FBXL15: variants seen among roughly 807,000 people sequenced by gnomAD.
FBXL15 encodes F-box/LRR-repeat protein 15.
Under a neutral mutation model 23.6 loss-of-function variants are expected in FBXL15, and 19 were observed. The ratio of observed to expected loss-of-function variants is 0.81; its 90% CI spans 0.56 to 1.18. The LOEUF (loss-of-function observed/expected upper bound fraction) is 1.18. FBXL15 is among the 50% of genes most tolerant of loss of function. The pLI is 0.00. For missense variants in FBXL15, 385 were observed against 425.4 expected (o/e 0.91, Z 0.83); for synonymous variants, 224 against 207.7 (o/e 1.08, Z -0.67).
At chr10:102,422,665 G>C in intron 3 of FBXL15, 139 bp from the exon 4 acceptor site, 1 of 918,514 alleles carries the variant, frequency 1.1e-6, no homozygotes, top group South Asian at 1.7e-5. Flanking sequence ...GACGGAAAAA[G>C]TATGCCCCTG....
In FBXL15 at chr10:102,423,113, T is replaced by C; in HGVS notation, c.*120T>C. ...CAGTGCCCTGCCCCACCCTGGAGCT[T>C]CAAATAAAGAGCTTTTTACCCCCTC... On this transcript the variant is annotated 3_prime_UTR_variant, in exon 4 of 4. Coordinates refer to ENST00000369956, the MANE Select transcript of FBXL15 (RefSeq NM_024326.4). The surrounding 1 kb of genome is among the most constrained non-coding windows in gnomAD (Gnocchi z 5.6). The C allele has an allele frequency of 9.0e-7, 1 of 1,109,314 alleles. No individual in the cohort carries two copies. Among genetic ancestry groups the C allele is most frequent in the South Asian group, 1.7e-5 (1 of 60,592 alleles). 68.7% of individuals were successfully genotyped at this position (1,109,314 alleles called of 1,614,324 possible).
chr10:102,422,494 C>T (rs903917358), intron 3 of FBXL15, among the ~76,000 whole-genome samples: 2 of 152,194 alleles, frequency 1.3e-5, no homozygotes, highest in Non-Finnish European at 2.9e-5. Flanking sequence ...CCAATGTTTA[C>T]ACATTGGGAG....
Position 102,421,010 on chromosome 10 carries a change from C to T in FBXL15, c.-120C>T, listed in dbSNP as rs2135466844. 1.9e-6 allele frequency: 3 copies of T among 1,545,196 alleles called. No homozygotes were observed. Among genetic ancestry groups the T allele is most frequent in the African/African-American group, 2.7e-5 (2 of 72,972 alleles). The stretch of plus-strand genomic sequence containing the variant: ...ACCCGAAAAGCTTTCAGATCGGATC[C>T]TCGGTGAGACGGCACTCGATTAAAT... On this transcript the variant is annotated 5_prime_UTR_variant, in exon 1 of 4. Coordinates refer to ENST00000369956, the MANE Select transcript of FBXL15 (RefSeq NM_024326.4).
chr10:102,421,514 C>T lies in FBXL15; in HGVS notation c.207+7C>T, dbSNP rs1195626633. 2.1e-6 allele frequency: 3 copies of T among 1,457,144 alleles called. No individual in the cohort carries two copies. Among genetic ancestry groups the T allele is most frequent in the Non-Finnish European group, 1.8e-6 (2 of 1,107,320 alleles). The allele number at this position is 1,457,144 out of a possible 1,614,324, so 90.3% of individuals were successfully genotyped here. A position where few individuals can be genotyped will look rare whatever the true frequency, so the allele number is the denominator to read the frequency against. On this transcript the variant is annotated splice_region_variant and intron_variant, in intron 2 of 3. Transcript: ENST00000369956. Reference sequence around the variant, plus strand: ...TCGCTTCGATGCCGCGCAGGTGAGCCGGGGGCTGAAGCCCCGCCCCTGCCT... The same window carrying T: ...TCGCTTCGATGCCGCGCAGGTGAGCTGGGGGCTGAAGCCCCGCCCCTGCCT...
chr10:102,420,976 T>C lies in FBXL15; in HGVS notation c.-154T>C. On this transcript the variant is annotated 5_prime_UTR_variant, in exon 1 of 4. Transcript: ENST00000369956. ...ACCACCGGTCTGTTCCGCCTCCGTTTCGGGGTCCACCCGAAAAGCTTTCAG... is the reference window on the plus strand; with the variant it reads ...ACCACCGGTCTGTTCCGCCTCCGTTCCGGGGTCCACCCGAAAAGCTTTCAG... 6.6e-7 allele frequency: 1 copy of C among 1,523,322 alleles called. No individual in the cohort carries two copies. The highest frequency in any genetic ancestry group is 8.8e-7 in the Non-Finnish European group (1 of 1,132,432). The allele number at this position is 1,523,322 out of a possible 1,614,324, so 94.4% of individuals were successfully genotyped here. A position where few individuals can be genotyped will look rare whatever the true frequency, so the allele number is the denominator to read the frequency against.
chr10:102,421,416 G>A lies in FBXL15; in HGVS notation c.116G>A (p.Arg39His). The A allele has an allele frequency of 1.9e-6, 3 of 1,565,668 alleles. 1 individual carries two copies. Among genetic ancestry groups the A allele is most frequent in the Non-Finnish European group, 2.6e-6 (3 of 1,157,212 alleles). Residue 39 changes from arginine (R) to histidine (H), a missense_variant, in exon 2 of 4, where the codon CGC (arginine) becomes CAC (histidine). Around this residue, in one of 2 missense-constraint regions of FBXL15, gnomAD observed 130 missense variants for 95.1 expected, o/e 1.37. Transcript: ENST00000369956. ...CACGTCCTGAACCGGGTCCCGCTGC[G>A]CCAGCTGCTCCGGCTGCAGCGCGTT... ...LPHVLNRVPL[R>H]QLLRLQRVSR...
chr10:102,422,146 G>A lies in FBXL15; in HGVS notation c.567G>A (p.Gln189=). Reference sequence around the variant, plus strand: ...ACGAGGCCATCGTGTACCTGGCGCAGAGGCGCGGCGCTGGTCTCCGCAGCC... The same window carrying A: ...ACGAGGCCATCGTGTACCTGGCGCAAAGGCGCGGCGCTGGTCTCCGCAGCC... ...LKDEAIVYLA[Q]RRGAGLRSLS... is the part of the protein sequence containing the mutation. Residue 189 remains glutamine (Q), a synonymous_variant, in exon 3 of 4, where the codon CAG becomes CAA. Coordinates refer to ENST00000369956, the MANE Select transcript of FBXL15 (RefSeq NM_024326.4). 15 of 1,551,126 alleles carry A rather than the reference G, an allele frequency of 9.7e-6. No individual in the cohort carries two copies. The highest frequency in any genetic ancestry group is 1.3e-5 in the Non-Finnish European group (15 of 1,148,344).
Position 102,421,481 on chromosome 10 carries a change from G to C in FBXL15, c.181G>C (p.Gly61Arg). The C allele has an allele frequency of 6.7e-7, 1 of 1,492,558 alleles. No individual in the cohort carries two copies. The highest frequency in any genetic ancestry group is 8.9e-7 in the Non-Finnish European group (1 of 1,124,400). 92.5% of individuals were successfully genotyped at this position (1,492,558 alleles called of 1,614,324 possible). Residue 61 changes from glycine to arginine, a missense_variant, in exon 2 of 4, where the codon GGG (glycine) becomes CGG (arginine). Gly to Arg is a moderately radical substitution (Grantham distance 125, BLOSUM62 -2). Coordinates refer to ENST00000369956, the MANE Select transcript of FBXL15 (RefSeq NM_024326.4). ...GTCGCTGGTGCAGCTTCACCTGGCC[G>C]GGCTGCGTCGCTTCGATGCCGCGCA... ...FRSLVQLHLA[G>R]LRRFDAAQVG...
intron 3 of FBXL15, 123 bp from the exon 4 acceptor site, chr10:102,422,681 A>T: frequency 9.4e-7 from 1 of 1,062,004 alleles, no homozygotes. Context: ...CCCTGCCCCG[A>T]GCTGGAGGGA....
In FBXL15 at chr10:102,422,109, G is replaced by T; in HGVS notation, c.530G>T (p.Arg177Leu). 1 of 1,562,842 alleles carries T rather than the reference G, an allele frequency of 6.4e-7. No individual in the cohort carries two copies. The highest frequency in any genetic ancestry group is 8.7e-7 in the Non-Finnish European group (1 of 1,155,408). ...ALEELDLTAC[R>L]QLKDEAIVYL... ...GAGGAGCTGGATCTCACCGCCTGCCGCCAGCTCAAGGACGAGGCCATCGTG... is the reference window on the plus strand; with the variant it reads ...GAGGAGCTGGATCTCACCGCCTGCCTCCAGCTCAAGGACGAGGCCATCGTG... Residue 177 changes from arginine to leucine, a missense_variant, in exon 3 of 4, where the codon CGC becomes CTC. Physicochemically the swap from Arg to Leu is moderately radical, Grantham distance 102 (BLOSUM62 -2). Around this residue, in one of 2 missense-constraint regions of FBXL15, gnomAD observed 255 missense variants for 330.2 expected, o/e 0.77. Transcript: ENST00000369956.
chr10:102,422,584 G>T (rs1157035430), intron 3 of FBXL15, among the ~76,000 whole-genome samples: 1 of 152,180 alleles, frequency 6.6e-6, no homozygotes, highest in South Asian at 2.1e-4. Context: ...TGAGGGCCAG[G>T]TTCCCCCCTT....
At position 102,421,160 on chromosome 10, in the gene FBXL15, G is replaced by A. The variant is rs933256052; in HGVS notation, c.31G>A (p.Glu11Lys). 2.5e-6 allele frequency: 4 copies of A among 1,611,216 alleles called. No homozygotes were observed. In the South Asian group the frequency reaches 4.4e-5, roughly 18 times the overall value. MEPPMEPSGG[E>K]QEPGAVRFLD... ...GCCACCGATGGAGCCGTCCGGAGGG[G>A]AGCAAGAGCCCGGAGCCGTCAGGTA... The change falls in exon 1 of 4, where the codon GAG (glutamate) becomes AAG (lysine). Residue 11 changes from glutamate to lysine, a missense_variant. This residue lies in a region of FBXL15 where 130 missense variants were observed against 95.1 expected (regional missense o/e 1.37). Transcript: ENST00000369956.
chr10:102,421,347 C>G lies in FBXL15; in HGVS notation c.54-7C>G. ...GGACGCCAGTGCCAACGCCCCTTTA[C>G]TCGCAGGTTCCTGGACCTGCCCTGG... On this transcript the variant is annotated splice_polypyrimidine_tract_variant and splice_region_variant and intron_variant, in intron 1 of 3. Coordinates refer to ENST00000369956, the MANE Select transcript of FBXL15 (RefSeq NM_024326.4). The G allele has an allele frequency of 6.4e-7, 1 of 1,552,544 alleles. No homozygotes were observed. Among genetic ancestry groups the G allele is most frequent in the Non-Finnish European group, 8.7e-7 (1 of 1,150,502 alleles).
In FBXL15 at chr10:102,421,347, C is replaced by T; in HGVS notation, c.54-7C>T. ...GGACGCCAGTGCCAACGCCCCTTTA[C>T]TCGCAGGTTCCTGGACCTGCCCTGG... is the stretch of plus-strand genomic sequence containing the variant. On this transcript the variant is annotated splice_polypyrimidine_tract_variant and splice_region_variant and intron_variant, in intron 1 of 3. Coordinates refer to ENST00000369956, the MANE Select transcript of FBXL15 (RefSeq NM_024326.4). 1 of 1,552,544 alleles carries T rather than the reference C, an allele frequency of 6.4e-7. No individual in the cohort carries two copies. Among genetic ancestry groups the T allele is most frequent in the Non-Finnish European group, 8.7e-7 (1 of 1,150,502 alleles).
chr10:102,420,923 T>C lies in FBXL15; in HGVS notation c.-207T>C. ...CTCCAGCTTCAGGCCTCAAGCCCTG[T>C]AGCCGAGAAGGCGAGGCCTAATGTT... On this transcript the variant is annotated 5_prime_UTR_variant, in exon 1 of 4. An upstream open reading frame in the 5' UTR loses its in-frame stop. Transcript: ENST00000369956. 2 of 1,444,454 alleles carry C rather than the reference T, an allele frequency of 1.4e-6. No homozygotes were observed. The highest frequency in any genetic ancestry group is 1.4e-5 in the African/African-American group (1 of 70,030). 89.5% of individuals were successfully genotyped at this position (1,444,454 alleles called of 1,614,324 possible).
chr10:102,422,787 C>A lies in FBXL15; in HGVS notation c.714-17C>A. ...TGGTGGCCTCATGTCCCTAGCCTCACCCTGCTCCTCCCTCAGGACATTGGC... is the reference window on the plus strand; with the variant it reads ...TGGTGGCCTCATGTCCCTAGCCTCAACCTGCTCCTCCCTCAGGACATTGGC... On this transcript the variant is annotated splice_polypyrimidine_tract_variant and intron_variant, in intron 3 of 3. Transcript: ENST00000369956. 6.3e-7 allele frequency: 1 copy of A among 1,596,424 alleles called. No homozygotes were observed. The highest frequency in any genetic ancestry group is 8.5e-7 in the Non-Finnish European group (1 of 1,177,870).
chr10:102,421,778 C>G lies in FBXL15; in HGVS notation c.208-9C>G. 6.5e-7 allele frequency: 1 copy of G among 1,540,546 alleles called. No individual in the cohort carries two copies. Among genetic ancestry groups the G allele is most frequent in the Non-Finnish European group, 8.7e-7 (1 of 1,148,684 alleles). Reference sequence around the variant, plus strand: ...CGGGCTGAGAGTTGGGGTGCCTCCCCGCCCGCAGGTGGGTCCGCAGATCCC... The same window carrying G: ...CGGGCTGAGAGTTGGGGTGCCTCCCGGCCCGCAGGTGGGTCCGCAGATCCC... On this transcript the variant is annotated splice_polypyrimidine_tract_variant and intron_variant, in intron 2 of 3. Transcript: ENST00000369956.
In FBXL15 at chr10:102,422,156, G is replaced by A; in HGVS notation, c.577G>A (p.Ala193Thr). ...AIVYLAQRRG[A>T]GLRSLSLAVN... ...CGTGTACCTGGCGCAGAGGCGCGGC[G>A]CTGGTCTCCGCAGCCTCTCTCTGGC... The change falls in exon 3 of 4, where the codon GCT becomes ACT. Residue 193 changes from alanine to threonine, a missense_variant. Physicochemically the swap from Ala to Thr is moderately conservative, Grantham distance 58 (BLOSUM62 0). Around this residue, in one of 2 missense-constraint regions of FBXL15, gnomAD observed 255 missense variants for 330.2 expected, o/e 0.77. Coordinates refer to ENST00000369956, the MANE Select transcript of FBXL15 (RefSeq NM_024326.4). 1 of 1,547,844 alleles carries A rather than the reference G, an allele frequency of 6.5e-7. No homozygotes were observed. Among genetic ancestry groups the A allele is most frequent in the Non-Finnish European group, 8.7e-7 (1 of 1,147,092 alleles).
In FBXL15 at chr10:102,421,147, G is replaced by C. The variant is rs1359568239; in HGVS notation, c.18G>C (p.Glu6Asp). ...GACAGCCGATGGAGCCACCGATGGA[G>C]CCGTCCGGAGGGGAGCAAGAGCCCG... is the stretch of plus-strand genomic sequence containing the variant. MEPPM[E>D]PSGGEQEPGA... The change falls in exon 1 of 4, where the codon GAG (glutamate) becomes GAC (aspartate). Residue 6 changes from glutamate (E) to aspartate (D), a missense_variant. Physicochemically the swap from Glu to Asp is conservative, Grantham distance 45 (BLOSUM62 2). This residue lies in a region of FBXL15 where 130 missense variants were observed against 95.1 expected (regional missense o/e 1.37). Coordinates refer to ENST00000369956, the MANE Select transcript of FBXL15 (RefSeq NM_024326.4). The C allele has an allele frequency of 6.2e-7, 1 of 1,611,278 alleles. No homozygotes were observed. The highest frequency in any genetic ancestry group is 2.2e-5 in the East Asian group (1 of 44,810).
Sources: gnomAD v4.1 joint callset for allele counts (sites outside exome capture counted in the v4.1 genomes callset) on GRCh38, gnomAD v4.1.1 for gene constraint, gnomAD v4.1.1 regional missense constraint, Gnocchi (gnomAD v3.1) non-coding constraint, MANE v1.5 for transcripts, NCBI Gene and HGNC (gene_info 2026-07-23, HGNC 2026-07-21) for gene names.